SRD5A2: variants seen among roughly 807,000 people sequenced by gnomAD.
SRD5A2 encodes steroid 5 alpha-reductase 2, also known as 3-oxo-5-alpha-steroid 4-dehydrogenase 2.
A neutral mutation model predicts 27.4 loss-of-function variants in SRD5A2; 30 were observed. The ratio of observed to expected loss-of-function variants is 1.10; its 90% CI spans 0.82 to 1.49. The LOEUF (loss-of-function observed/expected upper bound fraction) is 1.49, where lower values mean the gene tolerates loss of function less well. Among genes scored for constraint, SRD5A2 ranks in the 40% most tolerant of loss-of-function variants. The probability of loss-of-function intolerance (pLI) is 0.00; values close to 1 mark genes in which losing one functional copy is unlikely to be tolerated. For synonymous variants in SRD5A2, 141 were observed against 133.6 expected (o/e 1.06, Z -0.38); for missense variants, 348 against 323.4 (o/e 1.08, Z -0.58).
At chr2:31,638,664 A>G in the SRD5A2 span, among the ~76,000 whole-genome samples, 39 of 152,072 alleles carry the variant, frequency 2.6e-4, no homozygotes, top group African/African-American at 9.1e-4. Flanking sequence ...ACCGCTTTAT[A>G]ACTGGATAGT....
upstream of SRD5A2, among the ~76,000 whole-genome samples, chr2:31,584,483 G>A (rs1309014858): frequency 6.6e-6 from 1 of 152,102 alleles, no homozygotes; most frequent in Non-Finnish European, 1.5e-5. Context: ...AACTTCAAAA[G>A]TTAAGGACAT....
chr2:31,656,065 C>G, the SRD5A2 span, among the ~76,000 whole-genome samples: 1 of 152,078 alleles, frequency 6.6e-6, no homozygotes, highest in Non-Finnish European at 1.5e-5. Context: ...TATCAGTTCT[C>G]TCTGTGAAGC....
the SRD5A2 span, among the ~76,000 whole-genome samples, chr2:31,632,215 C>A: frequency 6.6e-6 from 1 of 152,008 alleles, no homozygotes; most frequent in Non-Finnish European, 1.5e-5. Flanking sequence ...GAGGAACAGG[C>A]AGAATGGGAC....
Position 31,540,378 on chromosome 2 carries a change from C to A in SRD5A2, c.282-6612G>T, listed in dbSNP as rs144688790. Among the ~76,000 whole-genome samples the A allele has an allele frequency of 8.5e-5, 13 of 152,092 alleles. No homozygotes were observed. In the East Asian group the frequency reaches 2.5e-3, roughly 29 times the overall value. On this transcript the variant is annotated intron_variant, in intron 1 of 4. Transcript: ENST00000622030. ...TAAATAATTCAAATCATTGTAAAGA[C>A]AAGAGTTGGCTAAAGACAATTAAAA...
chr2:31,527,781 G>T (rs185851757), intron 4 of SRD5A2: 1 of 152,186 alleles, frequency 6.6e-6, no homozygotes, highest in Admixed American at 6.5e-5. Context: ...GGTAGGAATA[G>T]GTCACTAGCT....
At chr2:31,586,690 T>C in the SRD5A2 span, among the ~76,000 whole-genome samples, 1 of 152,220 alleles carries the variant, frequency 6.6e-6, no homozygotes, top group African/African-American at 2.4e-5. Flanking sequence ...ATTACTGGGA[T>C]TGTGGTACCC....
chr2:31,572,090 C>G (rs1204840264), intron 1 of SRD5A2, among the ~76,000 whole-genome samples: 1 of 152,122 alleles, frequency 6.6e-6, no homozygotes, highest in African/African-American at 2.4e-5. Context: ...AAATATCCAT[C>G]AATGGTGGAC....
In SRD5A2 at chr2:31,559,914, G is replaced by A. The variant is rs1407839327; in HGVS notation, c.281+20706C>T. Among the ~76,000 whole-genome samples the A allele has an allele frequency of 6.0e-5, 9 of 150,856 alleles. No individual in the cohort carries two copies. The East Asian group carries it at 7.8e-4, about 13-fold the overall frequency. On this transcript the variant is annotated intron_variant, in intron 1 of 4. Coordinates refer to ENST00000622030, the MANE Select transcript of SRD5A2 (RefSeq NM_000348.4). ...CAACACACCCCAACCACCAAAGTAA[G>A]CTCTGAAGAGTAATCTCAAAGTTTC...
At chr2:31,604,873 C>T in the SRD5A2 span, among the ~76,000 whole-genome samples, 2 of 151,696 alleles carry the variant, frequency 1.3e-5, no homozygotes, top group Non-Finnish European at 2.9e-5. Flanking sequence ...AAGAACAAAA[C>T]TGAGGAATCA....
chr2:31,597,587 A>G, the SRD5A2 span, among the ~76,000 whole-genome samples: 1 of 152,300 alleles, frequency 6.6e-6, no homozygotes, highest in South Asian at 2.1e-4. Context: ...AGAAACTACA[A>G]GGAAATCAAA....
the SRD5A2 span, among the ~76,000 whole-genome samples, chr2:31,634,063 A>C: frequency 6.6e-6 from 1 of 152,228 alleles, no homozygotes; most frequent in Non-Finnish European, 1.5e-5. Flanking sequence ...ATTGGGATAT[A>C]AACCCAGGCA....
intron 1 of SRD5A2, among the ~76,000 whole-genome samples, chr2:31,536,400 A>G (rs1477767952): frequency 6.6e-6 from 1 of 152,222 alleles, no homozygotes; most frequent in South Asian, 2.1e-4. Context: ...AATCTTCTGC[A>G]TCTATCCAGC....
In SRD5A2 at chr2:31,531,423, A is replaced by G. The variant is rs775794272; in HGVS notation, c.495T>C (p.Tyr165=). The G allele has an allele frequency of 3.1e-6, 5 of 1,601,480 alleles. No homozygotes were observed. In the South Asian group the frequency reaches 3.4e-5, roughly 11 times the overall value. ...LGMGINIHSD[Y]ILRQLRKPGE... Reference sequence around the variant, plus strand: ...CAGGCTTCCTGAGCTGGCGCAATATATAGTCACTATGAATGTTTATTCCCA... The same window carrying G: ...CAGGCTTCCTGAGCTGGCGCAATATGTAGTCACTATGAATGTTTATTCCCA... Residue 165 remains tyrosine, a synonymous_variant, in exon 3 of 5, where the codon TAT becomes TAC. Coordinates refer to ENST00000622030, the MANE Select transcript of SRD5A2 (RefSeq NM_000348.4).
the SRD5A2 span, among the ~76,000 whole-genome samples, chr2:31,595,602 T>G: frequency 3.9e-5 from 6 of 152,028 alleles, no homozygotes; most frequent in Non-Finnish European, 8.8e-5. Flanking sequence ...CCAGATGGAC[T>G]CACATGTGAA....
chr2:31,561,497 T>C (rs1056075340), intron 1 of SRD5A2, among the ~76,000 whole-genome samples: 2 of 152,174 alleles, frequency 1.3e-5, no homozygotes, highest in East Asian at 3.8e-4. Flanking sequence ...TCCATTTAAA[T>C]CATGCAAAAT....
At chr2:31,575,115 C>T (rs1010317725) in intron 1 of SRD5A2, among the ~76,000 whole-genome samples, 4 of 152,088 alleles carry the variant, frequency 2.6e-5, no homozygotes, top group Non-Finnish European at 5.9e-5. Flanking sequence ...GCTTTTCTTG[C>T]TTGGGCTTTT....
Position 31,529,459 on chromosome 2 carries a change from T to C in SRD5A2, c.548-2A>G. 6.2e-7 allele frequency: 1 copy of C among 1,612,502 alleles called. No individual in the cohort carries two copies. The highest frequency in any genetic ancestry group is 8.5e-7 in the Non-Finnish European group (1 of 1,179,088). On this transcript the variant is annotated splice_acceptor_variant, in intron 3 of 4. Coordinates refer to ENST00000622030, the MANE Select transcript of SRD5A2 (RefSeq NM_000348.4). LOFTEE classifies it high-confidence loss of function. ...CAGAAACATACGTAAACAAGCCACC[T>C]GCGTGCAGAAGAATCGGAAGGTCAA... is the stretch of plus-strand genomic sequence containing the variant.
At chr2:31,550,958 G>T (rs1666370846) in intron 1 of SRD5A2, among the ~76,000 whole-genome samples, 3 of 151,826 alleles carry the variant, frequency 2.0e-5, no homozygotes, top group Admixed American at 2.0e-4. Context: ...TTATCTATGT[G>T]GGAAATCCCC....
At chr2:31,578,786 GT>G (rs28382999) in intron 1 of SRD5A2, among the ~76,000 whole-genome samples, 3 of 151,120 alleles carry the variant, frequency 2.0e-5, no homozygotes, top group South Asian at 2.1e-4. Flanking sequence ...ACTCCTTTGG[GT>G]TTTTTTTTAA....
Sources: gnomAD v4.1 joint callset for allele counts (sites outside exome capture counted in the v4.1 genomes callset) on GRCh38, gnomAD v4.1.1 for gene constraint, MANE v1.5 for transcripts, NCBI Gene and HGNC (gene_info 2026-07-23, HGNC 2026-07-21) for gene names.